The following RAB35 variants were observed in gnomAD, a reference collection of about 807,000 sequenced individuals.
RAB35 encodes the protein ras-related protein Rab-35.
RAB35 carries 4 observed loss-of-function variants against 28.9 expected under a neutral mutation model. The observed-to-expected ratio is 0.14, with a 90% CI of 0.07 to 0.32. The LOEUF (loss-of-function observed/expected upper bound fraction) is 0.32, where lower values mean the gene tolerates loss of function less well. RAB35 is among the 10% of genes least tolerant of loss of function. The pLI is 1.00. For missense variants in RAB35, 128 were observed against 274.0 expected (o/e 0.47, Z 3.76); for synonymous variants, 99 against 105.1 (o/e 0.94, Z 0.35).
chr12:120,105,839 C>T (rs898960837), intron 2 of RAB35, among the ~76,000 whole-genome samples: 21 of 151,048 alleles, frequency 1.4e-4, no homozygotes, highest in African/African-American at 5.1e-4. Context: ...ATGGCGTGAA[C>T]CCGGGAGGCG....
intron 1 of RAB35, among the ~76,000 whole-genome samples, chr12:120,112,717 C>T (rs182038254): frequency 1.4e-5 from 2 of 142,842 alleles, no homozygotes; most frequent in Admixed American, 1.6e-4. Context: ...GTGTGAGCTA[C>T]CGTGCCTGGA....
At chr12:120,109,646 C>T (rs572379703) in intron 1 of RAB35, among the ~76,000 whole-genome samples, 14 of 147,480 alleles carry the variant, frequency 9.5e-5, no homozygotes, top group South Asian at 8.6e-4. Context: ...AGTCTGGCTA[C>T]GTTGCCCAGG....
intron 2 of RAB35, among the ~76,000 whole-genome samples, chr12:120,108,164 G>A (rs1875966925): frequency 6.6e-6 from 1 of 152,130 alleles, no homozygotes; most frequent in Admixed American, 6.6e-5. Flanking sequence ...GAACCTTCCT[G>A]TTTGGACCAT....
rs76321011 is a variant in RAB35 at position 120,096,035 on chromosome 12, A to G, written c.*1210T>C. Reference sequence around the variant, plus strand: ...GGGGCGTGTCAAAACTGGCCGCCCCAGCCATTCCTTCCCACCCGCCAGGAA... The same window carrying G: ...GGGGCGTGTCAAAACTGGCCGCCCCGGCCATTCCTTCCCACCCGCCAGGAA... On this transcript the variant is annotated 3_prime_UTR_variant, in exon 6 of 6. Transcript: ENST00000229340. 0.011 allele frequency: 2,049 copies of G among 189,404 alleles called. 41 individuals carry two copies. Among genetic ancestry groups the G allele is most frequent in the East Asian group, 0.047 (323 of 6,862 alleles). The allele number at this position is 189,404 out of a possible 1,614,324, so 11.7% of individuals were successfully genotyped here.
intron 3 of RAB35, among the ~76,000 whole-genome samples, chr12:120,102,627 C>T (rs1410832796): frequency 1.3e-5 from 2 of 152,218 alleles, no homozygotes; most frequent in Non-Finnish European, 2.9e-5. Flanking sequence ...GCACACCTGT[C>T]CCTCTCCAGC....
chr12:120,115,399 A>G (rs1876288606), intron 1 of RAB35, among the ~76,000 whole-genome samples: 1 of 152,086 alleles, frequency 6.6e-6, no homozygotes, highest in Admixed American at 6.6e-5. Flanking sequence ...CTCCAATCAT[A>G]AGACATCCCT....
At position 120,098,819 on chromosome 12, in the gene RAB35, C is replaced by A; in HGVS notation, c.469G>T (p.Val157Leu). The change falls in exon 5 of 6, where the codon GTG (valine) becomes TTG (leucine). Residue 157 changes from valine (V) to leucine (L), a missense_variant. By Grantham distance (32) the Val-to-Leu change is conservative. Coordinates refer to ENST00000229340, the MANE Select transcript of RAB35 (RefSeq NM_006861.7). ...FETSAKENVN[V>L]EEMFNCITEL... Reference sequence around the variant, plus strand: ...GTGGCCCAGGGCCTCACCTCTTCCACGTTGACATTCTCCTTGGCGCTGGTC... The same window carrying A: ...GTGGCCCAGGGCCTCACCTCTTCCAAGTTGACATTCTCCTTGGCGCTGGTC... The A allele has an allele frequency of 6.2e-7, 1 of 1,614,204 alleles. No homozygotes were observed.
At position 120,095,190 on chromosome 12, in the gene RAB35, AGTG is replaced by A. The variant is rs1875316238; in HGVS notation, c.*2052_*2054del. On this transcript the variant is annotated 3_prime_UTR_variant, in exon 6 of 6. Transcript: ENST00000229340. Reference sequence around the variant, plus strand: ...AAATACTCCTAGCAAACCATTGAAAAGTGGTGTTTGTTTGACAGGAATTTCACA... The same window carrying A: ...AAATACTCCTAGCAAACCATTGAAAAGTGTTTGTTTGACAGGAATTTCACA... 6.6e-6 allele frequency: 1 copy of A among 152,630 alleles called. No homozygotes were observed. Among genetic ancestry groups the A allele is most frequent in the Non-Finnish European group, 1.5e-5 (1 of 68,048 alleles). 9.5% of individuals were successfully genotyped at this position (152,630 alleles called of 1,614,324 possible).
chr12:120,106,591 C>CTTTTTTTTT (rs10709764), intron 2 of RAB35, among the ~76,000 whole-genome samples: 1 of 102,744 alleles, frequency 9.7e-6, no homozygotes, highest in Admixed American at 1.1e-4. Context: ...CTTTCTTTTT[C>CTTTTTTTTT]TTTTTTTTTT....
Position 120,096,923 on chromosome 12 carries a change from C to T in RAB35, c.*322G>A, listed in dbSNP as rs138775890. ...CAAGAAGGCAAAAGCCAGAGCAGGA[C>T]GTGGTGTGCGGCCGGGTAGAGCAAT... On this transcript the variant is annotated 3_prime_UTR_variant, in exon 6 of 6. Transcript: ENST00000229340. The T allele has an allele frequency of 1.6e-5, 22 of 1,342,238 alleles. No homozygotes were observed. The highest frequency in any genetic ancestry group is 8.9e-5 in the Admixed American group (4 of 44,980). 83.1% of individuals were successfully genotyped at this position (1,342,238 alleles called of 1,614,324 possible). A position where few individuals can be genotyped will look rare whatever the true frequency, so the allele number is the denominator to read the frequency against.
chr12:120,100,690 T>C (rs1255014297), intron 3 of RAB35, among the ~76,000 whole-genome samples: 1 of 152,184 alleles, frequency 6.6e-6, no homozygotes, highest in Non-Finnish European at 1.5e-5. Context: ...CTGGGATCTC[T>C]TCCCAGGGCT....
rs773858423 is a variant in RAB35 at position 120,097,305 on chromosome 12, TTGC to T, written c.543_545del (p.Gln184del). The T allele has an allele frequency of 4.3e-6, 7 of 1,613,910 alleles. No individual in the cohort carries two copies. In the East Asian group the frequency reaches 1.6e-4, roughly 36 times the overall value. On this transcript the variant is annotated inframe_deletion, in exon 6 of 6. Transcript: ENST00000229340. ...TGAGCTTCACCACATCGTTCTGTTG[TTGC>T]TGCTGCTGTTTTGCCAGGTTGTCTT...
At chr12:120,099,653 TC>T (rs1875580538) in intron 3 of RAB35, among the ~76,000 whole-genome samples, 1 of 152,092 alleles carries the variant, frequency 6.6e-6, no homozygotes. Flanking sequence ...GCACCTCCCT[TC>T]CTGCTACTCT....
intron 2 of RAB35, among the ~76,000 whole-genome samples, chr12:120,104,899 G>C (rs967329186): frequency 6.6e-6 from 1 of 152,202 alleles, no homozygotes; most frequent in African/African-American, 2.4e-5. Context: ...CTCCCAAAGT[G>C]CTGGGATTAC....
In RAB35 at chr12:120,101,911, A is replaced by G. The variant is rs1875674528; in HGVS notation, c.227+1915T>C. Among the ~76,000 whole-genome samples, 5 of 152,228 alleles carry G rather than the reference A, an allele frequency of 3.3e-5. No individual in the cohort carries two copies. In the South Asian group the frequency reaches 8.3e-4, roughly 25 times the overall value. On this transcript the variant is annotated intron_variant, in intron 3 of 5. Coordinates refer to ENST00000229340, the MANE Select transcript of RAB35 (RefSeq NM_006861.7). ...CCCAGCCCAGAAAGCAGCTGACTGCATGATGGCAGGGAGGGGCTGTGGCTC... is the reference window on the plus strand; with the variant it reads ...CCCAGCCCAGAAAGCAGCTGACTGCGTGATGGCAGGGAGGGGCTGTGGCTC...
chr12:120,104,477 G>A (rs564103754), intron 2 of RAB35, among the ~76,000 whole-genome samples: 2 of 152,304 alleles, frequency 1.3e-5, no homozygotes, highest in East Asian at 1.9e-4. Flanking sequence ...CAAGCCTGCC[G>A]CCCAAGGCAG....
chr12:120,097,880 T>C (rs1875490487), intron 5 of RAB35, among the ~76,000 whole-genome samples: 1 of 108,738 alleles, frequency 9.2e-6, no homozygotes, highest in Non-Finnish European at 1.8e-5. Flanking sequence ...AGCTGGAATC[T>C]TTTTTTTTTT....
At position 120,099,374 on chromosome 12, in the gene RAB35, C is replaced by A. The variant is rs954794445; in HGVS notation, c.228-220G>T. On this transcript the variant is annotated intron_variant, in intron 3 of 5. Transcript: ENST00000229340. Reference sequence around the variant, plus strand: ...TCCCCCTGCCCGCCCGGGGCACCAACAGGGCGGGAGGGCCAGCCCCTGGGC... The same window carrying A: ...TCCCCCTGCCCGCCCGGGGCACCAAAAGGGCGGGAGGGCCAGCCCCTGGGC... 44 of 619,494 alleles carry A rather than the reference C, an allele frequency of 7.1e-5. No homozygotes were observed. In the East Asian group the frequency reaches 1.2e-3, roughly 17 times the overall value. 38.4% of individuals were successfully genotyped at this position (619,494 alleles called of 1,614,324 possible). A position where few individuals can be genotyped will look rare whatever the true frequency, so the allele number is the denominator to read the frequency against.
chr12:120,108,517 C>G, intron 1 of RAB35, 50 bp from the exon 2 acceptor site: 1 of 1,549,270 alleles, frequency 6.5e-7, no homozygotes, highest in Non-Finnish European at 8.9e-7. Flanking sequence ...GTCCCCTCCC[C>G]GCAGCCCCAG....
Sources: gnomAD v4.1 joint callset for allele counts (sites outside exome capture counted in the v4.1 genomes callset) on GRCh38, gnomAD v4.1.1 for gene constraint, MANE v1.5 for transcripts, NCBI Gene and HGNC (gene_info 2026-07-23, HGNC 2026-07-21) for gene names.